ZFPL1: variants seen among roughly 807,000 people sequenced by gnomAD.
ZFPL1 encodes zinc finger protein like 1, also known as zinc finger protein-like 1.
Under a neutral mutation model 32.0 loss-of-function variants are expected in ZFPL1, and 28 were observed. That is an observed-to-expected ratio of 0.87 (90% CI 0.65 to 1.20). The LOEUF (loss-of-function observed/expected upper bound fraction) is 1.20. Ranked by LOEUF, ZFPL1 falls within the 50% of genes most tolerant of loss-of-function variation. The probability of loss-of-function intolerance (pLI) is 0.00; values close to 1 mark genes in which losing one functional copy is unlikely to be tolerated. For synonymous variants in ZFPL1, 165 were observed against 177.0 expected, an observed-to-expected ratio of 0.93 and a Z score of 0.54; for missense variants, 386 against 424.8, an observed-to-expected ratio of 0.91 and a Z score of 0.80.
intron 3 of ZFPL1, 120 bp from the exon 4 acceptor site, chr11:65,086,295 G>A: frequency 7.7e-7 from 1 of 1,304,852 alleles, no homozygotes; most frequent in Non-Finnish European, 1.1e-6. Flanking sequence ...GGGAGGAGAA[G>A]GCTCTGGCAC....
Position 65,086,587 on chromosome 11 carries a change from G to T in ZFPL1, c.387G>T (p.Arg129=). Residue 129 remains arginine (R), a synonymous_variant, in exon 4 of 8, where the codon CGG becomes CGT. Transcript: ENST00000294258. ...REKLATVNWA[R]AGLGLPLIDE... ...AGCTGGCCACAGTCAACTGGGCCCG[G>T]GCAGGACTGGGCCTCCCTCTGGTGA... 6.2e-7 allele frequency: 1 copy of T among 1,614,038 alleles called. No homozygotes were observed. Among genetic ancestry groups the T allele is most frequent in the South Asian group, 1.1e-5 (1 of 91,072 alleles).
At chr11:65,087,886 C>T in intron 7 of ZFPL1, 42 bp from the exon 8 acceptor site, 1 of 1,516,178 alleles carries the variant, frequency 6.6e-7, no homozygotes, top group South Asian at 1.3e-5. Flanking sequence ...CGGGGGCCAC[C>T]AGGGACTGGG....
At chr11:65,086,305 C>A in intron 3 of ZFPL1, 110 bp from the exon 4 acceptor site, 1 of 1,372,496 alleles carries the variant, frequency 7.3e-7, no homozygotes, top group Non-Finnish European at 1.0e-6. Context: ...GGCTCTGGCA[C>A]ACACACATGT....
At chr11:65,086,286 G>A (rs952577796) in intron 3 of ZFPL1, 129 bp from the exon 4 acceptor site, 10 of 1,222,132 alleles carry the variant, frequency 8.2e-6, no homozygotes, top group Admixed American at 1.8e-5. Flanking sequence ...AACAGGACGG[G>A]GAGGAGAAGG....
chr11:65,085,520 G>A, intron 3 of ZFPL1: 1 of 463,866 alleles, frequency 2.2e-6, no homozygotes, highest in East Asian at 4.2e-5. Context: ...TATGCTGGTG[G>A]CCGTGACTAT....
intron 7 of ZFPL1, 92 bp downstream of exon 7, chr11:65,087,525 G>T (rs1331811746): frequency 1.5e-5 from 19 of 1,263,072 alleles, no homozygotes; most frequent in Non-Finnish European, 2.1e-5. Context: ...ATGACAAAAG[G>T]GGCTTGTTCT....
intron 2 of ZFPL1, 32 bp from the exon 3 acceptor site, chr11:65,085,083 G>A: frequency 6.2e-7 from 1 of 1,600,246 alleles, no homozygotes; most frequent in Non-Finnish European, 8.6e-7. Context: ...AGCAGCCCCA[G>A]CACCAGTTGT....
intron 6 of ZFPL1, 106 bp downstream of exon 6, chr11:65,087,180 TA>T (rs1947688436): frequency 6.4e-7 from 1 of 1,557,978 alleles, no homozygotes; most frequent in Non-Finnish European, 8.7e-7. Context: ...AACCTTTCCT[TA>T]ATCCAGGCAC....
intron 7 of ZFPL1, 137 bp downstream of exon 7, chr11:65,087,570 G>C: frequency 2.5e-6 from 2 of 814,524 alleles, no homozygotes; most frequent in South Asian, 1.6e-5. Context: ...GGGCTGTGCA[G>C]AGAGGCCTTG....
In ZFPL1 at chr11:65,084,737, C is replaced by T. The variant is rs573670851; in HGVS notation, c.39C>T (p.Asn13=). Residue 13 remains asparagine, a synonymous_variant, in exon 2 of 8, where the codon AAC becomes AAT. Transcript: ENST00000294258. ...AGTGCCCCAAGAGAAAGGTGACCAA[C>T]CTGTTCTGCTTCGAACATCGGGTCA... ...LCKCPKRKVT[N]LFCFEHRVNV... is the part of the protein sequence containing the mutation. 2 of 1,614,134 alleles carry T rather than the reference C, an allele frequency of 1.2e-6. No individual in the cohort carries two copies. Among genetic ancestry groups the T allele is most frequent in the East Asian group, 4.5e-5 (2 of 44,872 alleles).
At position 65,088,237 on chromosome 11, in the gene ZFPL1, C is replaced by A; in HGVS notation, c.*123C>A. On this transcript the variant is annotated 3_prime_UTR_variant, in exon 8 of 8. Coordinates refer to ENST00000294258, the MANE Select transcript of ZFPL1 (RefSeq NM_006782.4). Reference sequence around the variant, plus strand: ...CCCTCAAGCCTAAGACACTAAGACCCCAGACCCAAAGCCAAGTCCACCAGA... The same window carrying A: ...CCCTCAAGCCTAAGACACTAAGACCACAGACCCAAAGCCAAGTCCACCAGA... 1 of 1,316,144 alleles carries A rather than the reference C, an allele frequency of 7.6e-7. No homozygotes were observed. The highest frequency in any genetic ancestry group is 1.5e-5 in the African/African-American group (1 of 67,702). The allele number at this position is 1,316,144 out of a possible 1,614,324, so 81.5% of individuals were successfully genotyped here. A position where few individuals can be genotyped will look rare whatever the true frequency, so the allele number is the denominator to read the frequency against.
chr11:65,086,628 C>G lies in ZFPL1; in HGVS notation c.408+20C>G. On this transcript the variant is annotated intron_variant, in intron 4 of 7. Transcript: ENST00000294258. ...CCTCTGGTGAGAGTCCCTCGTCTGT[C>G]TGACCATCTATCTGCCCTGGGCCCC... 1 of 1,613,686 alleles carries G rather than the reference C, an allele frequency of 6.2e-7. No individual in the cohort carries two copies. The highest frequency in any genetic ancestry group is 8.5e-7 in the Non-Finnish European group (1 of 1,179,634).
In ZFPL1 at chr11:65,085,152, G is replaced by T. The variant is rs542708876; in HGVS notation, c.140G>T (p.Ser47Ile). The change falls in exon 3 of 8, where the codon AGC (serine) becomes ATC (isoleucine). Residue 47 changes from serine (S) to isoleucine (I), a missense_variant. Coordinates refer to ENST00000294258, the MANE Select transcript of ZFPL1 (RefSeq NM_006782.4). Reference protein sequence around the residue: ...VQSYLQWLQDSDYNPNCRLCN... With the variant: ...VQSYLQWLQDIDYNPNCRLCN... ...TCCTACCTGCAATGGCTCCAAGATA[G>T]CGACTACAACCCCAATTGCCGCCTG... 1.2e-6 allele frequency: 2 copies of T among 1,614,054 alleles called. No homozygotes were observed. Among genetic ancestry groups the T allele is most frequent in the Non-Finnish European group, 1.7e-6 (2 of 1,180,030 alleles).
At position 65,087,959 on chromosome 11, in the gene ZFPL1, A is replaced by T; in HGVS notation, c.778A>T (p.Thr260Ser). The T allele has an allele frequency of 6.3e-7, 1 of 1,576,238 alleles. No individual in the cohort carries two copies. Among genetic ancestry groups the T allele is most frequent in the Admixed American group, 2.0e-5 (1 of 50,750 alleles). ...GGCTGGGTCTCGGAAGCGGCCGCTG[A>T]CCCTGCTCCAGCGGGCGGGGCTGCT... ...SRAGSRKRPLTLLQRAGLLLL... is the reference protein window; with the variant it reads ...SRAGSRKRPLSLLQRAGLLLL... The change falls in exon 8 of 8, where the codon ACC (threonine) becomes TCC (serine). Residue 260 changes from threonine to serine, a missense_variant. Physicochemically the swap from Thr to Ser is moderately conservative, Grantham distance 58. Coordinates refer to ENST00000294258, the MANE Select transcript of ZFPL1 (RefSeq NM_006782.4).
chr11:65,087,825 G>C, intron 7 of ZFPL1, 103 bp from the exon 8 acceptor site: 4 of 1,232,790 alleles, frequency 3.2e-6, no homozygotes, highest in Non-Finnish European at 3.3e-6. Flanking sequence ...AGGCACAGAC[G>C]AGGAGATGGA....
intron 6 of ZFPL1, 78 bp downstream of exon 6, chr11:65,087,152 C>T (rs1245012058): frequency 8.3e-6 from 13 of 1,568,600 alleles, no homozygotes; most frequent in Non-Finnish European, 1.1e-5. Context: ...CTTGAGGATC[C>T]AGAGACCCAC....
In ZFPL1 at chr11:65,084,356, G is replaced by C; in HGVS notation, c.-31G>C. 2 of 442,512 alleles carry C rather than the reference G, an allele frequency of 4.5e-6. No individual in the cohort carries two copies. The highest frequency in any genetic ancestry group is 4.8e-5 in the East Asian group (1 of 20,888). 27.4% of individuals were successfully genotyped at this position (442,512 alleles called of 1,614,324 possible). On this transcript the variant is annotated 5_prime_UTR_variant, in exon 1 of 8. Coordinates refer to ENST00000294258, the MANE Select transcript of ZFPL1 (RefSeq NM_006782.4). Reference sequence around the variant, plus strand: ...GCCCTTCGGAACCAGTGCAGCGGCCGATCAGTAAACACAGAGACTGGGGTC... The same window carrying C: ...GCCCTTCGGAACCAGTGCAGCGGCCCATCAGTAAACACAGAGACTGGGGTC...
At position 65,084,765 on chromosome 11, in the gene ZFPL1, G is replaced by A. The variant is rs780637226; in HGVS notation, c.67G>A (p.Val23Ile). 15 of 1,614,096 alleles carry A rather than the reference G, an allele frequency of 9.3e-6. 1 individual carries two copies. In the South Asian group the frequency reaches 1.6e-4, roughly 18 times the overall value. Residue 23 changes from valine to isoleucine, a missense_variant, in exon 2 of 8, where the codon GTC (valine) becomes ATC (isoleucine). By Grantham distance (29) the Val-to-Ile change is conservative (BLOSUM62 3). Transcript: ENST00000294258. The part of the protein sequence containing the change: ...NLFCFEHRVN[V>I]CEHCLVANHA... ...GTTCTGCTTCGAACATCGGGTCAAC[G>A]TCTGCGAGCACTGCCTGGTAGCCAA...
intron 2 of ZFPL1, 152 bp downstream of exon 2, chr11:65,084,952 CAA>C: frequency 9.7e-7 from 1 of 1,036,140 alleles, no homozygotes; most frequent in Non-Finnish European, 1.5e-6. Flanking sequence ...CCCCCGTTCC[CAA>C]GAGAGAGTCT....
Sources: gnomAD v4.1 joint callset for allele counts on GRCh38, gnomAD v4.1.1 for gene constraint, MANE v1.5 for transcripts, NCBI Gene and HGNC (gene_info 2026-07-23, HGNC 2026-07-21) for gene names.